The following SPRR2G variants were observed in gnomAD, a reference collection of about 807,000 sequenced individuals.
SPRR2G encodes the protein small proline rich protein 2G.
In SPRR2G, 1 loss-of-function variant was observed where a neutral mutation model predicts 0.7. The observed-to-expected ratio is 1.49, with a 90% CI of 0.53 to 7.06. The LOEUF is 7.06. Among genes scored for constraint, SPRR2G ranks in the 30% most tolerant of loss-of-function variants. The pLI is 0.14. For synonymous variants in SPRR2G, 38 were observed against 33.9 expected, an observed-to-expected ratio of 1.12 and a Z score of -0.42; for missense variants, 96 against 88.5, an observed-to-expected ratio of 1.09 and a Z score of -0.34.
chr1:153,197,932 C>T, the SPRR2G span, among the ~76,000 whole-genome samples: 2 of 152,196 alleles, frequency 1.3e-5, no homozygotes, highest in Non-Finnish European at 2.9e-5. Context: ...AAGACACACA[C>T]TGGACACTGC....
chr1:153,190,902 CAT>C, the SPRR2G span: 1 of 151,806 alleles, frequency 6.6e-6, no homozygotes, highest in Non-Finnish European at 1.5e-5. Context: ...CCCAATCAAA[CAT>C]ATGTATCCCT....
chr1:153,158,530 G>A, the SPRR2G span, among the ~76,000 whole-genome samples: 1 of 152,242 alleles, frequency 6.6e-6, no homozygotes, highest in African/African-American at 2.4e-5. Flanking sequence ...TCTTGAGCTG[G>A]CATTGAGTGC....
the SPRR2G span, among the ~76,000 whole-genome samples, chr1:153,165,906 T>C: frequency 1.3e-5 from 2 of 152,178 alleles, no homozygotes; most frequent in African/African-American, 4.8e-5. Flanking sequence ...GCCCCACCAA[T>C]AGCAGTGACA....
chr1:153,170,682 T>C, the SPRR2G span, among the ~76,000 whole-genome samples: 1 of 152,154 alleles, frequency 6.6e-6, no homozygotes, highest in African/African-American at 2.4e-5. Context: ...ATACTTTTGA[T>C]TTTAAAAATT....
Position 153,149,697 on chromosome 1 carries a change from G to A in SPRR2G, c.*192C>T. The A allele has an allele frequency of 1.4e-6, 1 of 708,482 alleles. No individual in the cohort carries two copies. The highest frequency in any genetic ancestry group is 1.8e-5 in the African/African-American group (1 of 56,478). The allele number at this position is 708,482 out of a possible 1,614,324, so 43.9% of individuals were successfully genotyped here. A position where few individuals can be genotyped will look rare whatever the true frequency, so the allele number is the denominator to read the frequency against. ...AGACAGCAAAGCGAGATTAGGCAGT[G>A]ATCTGGCTGCTCATCTTCCAACAAC... On this transcript the variant is annotated 3_prime_UTR_variant, in exon 2 of 2. Transcript: ENST00000368748.
the SPRR2G span, among the ~76,000 whole-genome samples, chr1:153,197,159 T>A: frequency 6.8e-6 from 1 of 147,032 alleles, no homozygotes. Context: ...TGTGTGTGTG[T>A]GTGTGTGTGT....
At chr1:153,201,985 A>G in the SPRR2G span, among the ~76,000 whole-genome samples, 1 of 152,230 alleles carries the variant, frequency 6.6e-6, no homozygotes, top group Non-Finnish European at 1.5e-5. Context: ...CTAACACCCC[A>G]AAACCTGGTG....
chr1:153,197,250 G>C, the SPRR2G span, among the ~76,000 whole-genome samples: 3 of 150,654 alleles, frequency 2.0e-5, no homozygotes, highest in Non-Finnish European at 4.4e-5. Context: ...ATGGACACTC[G>C]CTGAAGCTTG....
chr1:153,196,036 C>T, the SPRR2G span, among the ~76,000 whole-genome samples: 1 of 152,212 alleles, frequency 6.6e-6, no homozygotes, highest in Non-Finnish European at 1.5e-5. Flanking sequence ...TCCTTATCCT[C>T]TTTTTAAATT....
At chr1:153,150,734 T>C (rs889704184) in intron 1 of SPRR2G, 118 bp downstream of exon 1, 3 of 156,020 alleles carry the variant, frequency 1.9e-5, no homozygotes, top group Non-Finnish European at 4.3e-5. Context: ...CAAGACCTCA[T>C]TATCTTCTTT....
At chr1:153,201,516 G>A in the SPRR2G span, among the ~76,000 whole-genome samples, 3 of 152,332 alleles carry the variant, frequency 2.0e-5, no homozygotes, top group East Asian at 5.8e-4. Context: ...TGGGTCTCCT[G>A]AGATGGGGGT....
At chr1:153,160,139 A>G in the SPRR2G span, among the ~76,000 whole-genome samples, 1 of 152,238 alleles carries the variant, frequency 6.6e-6, no homozygotes, top group Non-Finnish European at 1.5e-5. Flanking sequence ...GAAACTTCAC[A>G]TAATAGAATC....
At chr1:153,189,788 G>A in the SPRR2G span, among the ~76,000 whole-genome samples, 1 of 152,118 alleles carries the variant, frequency 6.6e-6, no homozygotes, top group African/African-American at 2.4e-5. Context: ...TGCCAAGGTG[G>A]GATGAGTAAG....
At chr1:153,198,071 C>A in the SPRR2G span, among the ~76,000 whole-genome samples, 1 of 152,114 alleles carries the variant, frequency 6.6e-6, no homozygotes, top group Admixed American at 6.5e-5. Flanking sequence ...GCTAAGGCAA[C>A]TAACTGCCTG....
chr1:153,170,631 G>C, the SPRR2G span, among the ~76,000 whole-genome samples: 8,797 of 152,196 alleles, frequency 0.058, 871 homozygotes, highest in African/African-American at 0.2. Context: ...AGAAGGGCTT[G>C]ATAGAGAGAT....
the SPRR2G span, among the ~76,000 whole-genome samples, chr1:153,168,508 T>A: frequency 6.6e-6 from 1 of 152,176 alleles, no homozygotes; most frequent in African/African-American, 2.4e-5. Flanking sequence ...GTTATTATTT[T>A]TATCATAATA....
chr1:153,183,980 C>G, the SPRR2G span, among the ~76,000 whole-genome samples: 9 of 152,052 alleles, frequency 5.9e-5, no homozygotes, highest in African/African-American at 2.2e-4. Flanking sequence ...TAGGGAATTC[C>G]TTCCCCATTG....
At chr1:153,161,873 T>C in the SPRR2G span, among the ~76,000 whole-genome samples, 1 of 152,216 alleles carries the variant, frequency 6.6e-6, no homozygotes, top group Non-Finnish European at 1.5e-5. Context: ...TTTCAAATAA[T>C]GGTAATTGAC....
the SPRR2G span, among the ~76,000 whole-genome samples, chr1:153,198,386 G>A: frequency 6.6e-6 from 1 of 152,152 alleles, no homozygotes; most frequent in Non-Finnish European, 1.5e-5. Context: ...CAATGCTGTG[G>A]GGGTTGAATT....
Sources: gnomAD v4.1 joint callset for allele counts (sites outside exome capture counted in the v4.1 genomes callset) on GRCh38, gnomAD v4.1.1 for gene constraint, MANE v1.5 for transcripts, NCBI Gene and HGNC (gene_info 2026-07-23, HGNC 2026-07-21) for gene names.